Variants in USP37 observed in about 807,000 individuals in gnomAD.
USP37 encodes ubiquitin carboxyl-terminal hydrolase 37.
USP37 carries 27 observed loss-of-function variants against 124.0 expected under a neutral mutation model. The ratio of observed to expected loss-of-function variants is 0.22; its 90% CI spans 0.16 to 0.30. The LOEUF is 0.30. USP37 is among the 10% of genes least tolerant of loss of function. USP37 has a pLI of 1.00. For synonymous variants in USP37, 365 were observed against 388.0 expected, an observed-to-expected ratio of 0.94 and a Z score of 0.70; for missense variants, 889 against 1,140.4, an observed-to-expected ratio of 0.78 and a Z score of 3.17.
chr2:218,525,860 C>G (rs1050503591), intron 10 of USP37, among the ~76,000 whole-genome samples: 5 of 152,162 alleles, frequency 3.3e-5, no homozygotes, highest in Admixed American at 3.3e-4. Context: ...CTCCAACAAG[C>G]CCCAGTGTGT....
intron 6 of USP37, among the ~76,000 whole-genome samples, chr2:218,548,265 G>A (rs1191695142): frequency 1.3e-5 from 2 of 151,954 alleles, no homozygotes; most frequent in Non-Finnish European, 2.9e-5. Flanking sequence ...ACAAACAGTA[G>A]CATACTACAT....
intron 14 of USP37, among the ~76,000 whole-genome samples, chr2:218,488,759 G>A (rs956700906): frequency 6.6e-6 from 1 of 151,828 alleles, no homozygotes; most frequent in African/African-American, 2.4e-5. Context: ...CCTCAGGCTC[G>A]CAAGTAGCTG....
intron 22 of USP37, among the ~76,000 whole-genome samples, chr2:218,460,270 A>AT (rs1311111573): frequency 6.6e-6 from 1 of 151,838 alleles, no homozygotes; most frequent in East Asian, 1.9e-4. Context: ...AAAAAAAAAA[A>AT]AGTTCTTGGA....
At chr2:218,559,516 G>C (rs1056070087) in intron 3 of USP37, among the ~76,000 whole-genome samples, 3 of 152,030 alleles carry the variant, frequency 2.0e-5, no homozygotes, top group African/African-American at 7.2e-5. Flanking sequence ...AATATTTGAG[G>C]AAATCATTTA....
intron 14 of USP37, 134 bp from the exon 15 acceptor site, chr2:218,488,555 T>A: frequency 1.8e-6 from 1 of 560,184 alleles, no homozygotes; most frequent in South Asian, 3.6e-5. Context: ...CTATATACAT[T>A]TAAGACTTTT....
intron 8 of USP37, among the ~76,000 whole-genome samples, chr2:218,535,234 C>T (rs776617917): frequency 3.3e-5 from 5 of 151,496 alleles, no homozygotes; most frequent in Admixed American, 2.6e-4. Flanking sequence ...CATGGTGGCG[C>T]GTTCCTGTAG....
chr2:218,518,347 C>T (rs2106011262), intron 10 of USP37, among the ~76,000 whole-genome samples: 1 of 152,154 alleles, frequency 6.6e-6, no homozygotes, highest in East Asian at 1.9e-4. Context: ...CTTTTATAAT[C>T]ACTGACTCAT....
intron 8 of USP37, among the ~76,000 whole-genome samples, chr2:218,544,459 A>AGAGG (rs1457872657): frequency 7.0e-6 from 1 of 143,304 alleles, no homozygotes; most frequent in Non-Finnish European, 1.5e-5. Context: ...AGAGAGAGAG[A>AGAGG]GACCCCAATT....
intron 14 of USP37, among the ~76,000 whole-genome samples, chr2:218,488,863 G>A (rs535839374): frequency 1.3e-5 from 2 of 152,060 alleles, no homozygotes; most frequent in African/African-American, 4.8e-5. Flanking sequence ...TCGAACTCCC[G>A]ATCTCAGGTG....
chr2:218,507,867 C>A, intron 11 of USP37, among the ~76,000 whole-genome samples: 1 of 151,200 alleles, frequency 6.6e-6, no homozygotes, highest in South Asian at 2.1e-4. Flanking sequence ...AGCCTCTTCC[C>A]TATAACTAGT....
chr2:218,484,655 C>A (rs552851124), intron 16 of USP37, among the ~76,000 whole-genome samples: 12 of 147,480 alleles, frequency 8.1e-5, no homozygotes, highest in African/African-American at 2.0e-4. Flanking sequence ...AACAAACAAC[C>A]AAAAAAAAAA....
chr2:218,556,503 GTTTTTTTT>G (rs34907421), intron 4 of USP37, among the ~76,000 whole-genome samples: 18 of 53,826 alleles, frequency 3.3e-4, no homozygotes, highest in African/African-American at 9.0e-4. Flanking sequence ...GGGTTTTTCT[GTTTTTTTT>G]TTTTTTTTTT....
chr2:218,545,832 T>C (rs1418063527), intron 8 of USP37, among the ~76,000 whole-genome samples: 1 of 152,190 alleles, frequency 6.6e-6, no homozygotes, highest in African/African-American at 2.4e-5. Context: ...CTTTAACCTC[T>C]AGGCTGACTT....
intron 20 of USP37, 85 bp from the exon 21 acceptor site, chr2:218,466,261 G>T: frequency 1.4e-6 from 2 of 1,386,624 alleles, no homozygotes; most frequent in East Asian, 4.7e-5. Flanking sequence ...TGTTCATAAA[G>T]CAATTTACCC....
intron 11 of USP37, chr2:218,500,863 C>A: frequency 6.3e-6 from 1 of 159,734 alleles, no homozygotes. Context: ...GGCTGAAGAC[C>A]AGTCCTCCTC....
At chr2:218,514,786 T>C (rs992665113) in intron 10 of USP37, among the ~76,000 whole-genome samples, 1 of 152,240 alleles carries the variant, frequency 6.6e-6, no homozygotes, top group Non-Finnish European at 1.5e-5. Context: ...ATTTTATTCC[T>C]ACAACCCTCT....
chr2:218,565,532 C>T (rs943227617), intron 1 of USP37, among the ~76,000 whole-genome samples: 1 of 152,088 alleles, frequency 6.6e-6, no homozygotes, highest in Non-Finnish European at 1.5e-5. Flanking sequence ...AGTTGGAAAA[C>T]GTTTTGTTTT....
chr2:218,472,519 A>G (rs1007435497), intron 20 of USP37, among the ~76,000 whole-genome samples: 1 of 151,650 alleles, frequency 6.6e-6, no homozygotes, highest in African/African-American at 2.4e-5. Flanking sequence ...GATGAAGTAC[A>G]ATGGTGCAAT....
At chr2:218,496,568 G>C (rs1689091056) in intron 13 of USP37, among the ~76,000 whole-genome samples, 1 of 84,938 alleles carries the variant, frequency 1.2e-5, no homozygotes, top group East Asian at 3.5e-4. Flanking sequence ...AGGTAACACA[G>C]CCCAGGTCCT....
Sources: allele counts gnomAD v4.1 joint callset (sites outside exome capture counted in the v4.1 genomes callset), GRCh38; gene constraint gnomAD v4.1.1; transcripts MANE v1.5; gene names NCBI Gene and HGNC (gene_info 2026-07-23, HGNC 2026-07-21).